DRC8: variants seen among roughly 807,000 people sequenced by gnomAD.
DRC8 encodes dynein regulatory complex subunit 8.
the DRC8 span, among the ~76,000 whole-genome samples, chr1:245,016,068 G>A: frequency 0.029 from 3,905 of 134,674 alleles, 137 homozygotes; most frequent in East Asian, 0.16. Context: ...TGCAACCTCC[G>A]CCTCCCAGGT....
At chr1:244,976,273 C>CA in the DRC8 span, among the ~76,000 whole-genome samples, 1 of 144,844 alleles carries the variant, frequency 6.9e-6, no homozygotes, top group South Asian at 2.4e-4. Context: ...CATCTCAAAA[C>CA]AAAAAAACAA....
the DRC8 span, among the ~76,000 whole-genome samples, chr1:244,981,859 T>C: frequency 1.3e-5 from 2 of 152,170 alleles, no homozygotes; most frequent in Non-Finnish European, 2.9e-5. Context: ...AGTGCATTCT[T>C]CATAAAAAGG....
At chr1:244,972,504 T>C in the DRC8 span, among the ~76,000 whole-genome samples, 1 of 152,128 alleles carries the variant, frequency 6.6e-6, no homozygotes, top group Non-Finnish European at 1.5e-5. Flanking sequence ...TTAACATGTT[T>C]GTAGGTGATT....
the DRC8 span, among the ~76,000 whole-genome samples, chr1:245,120,490 T>A: frequency 6.6e-6 from 1 of 151,632 alleles, no homozygotes; most frequent in Admixed American, 6.6e-5. Context: ...ATTATTTGTA[T>A]TTTTTTCCTG....
the DRC8 span, chr1:245,002,056 G>A: frequency 1.4e-5 from 18 of 1,299,128 alleles, no homozygotes; most frequent in Non-Finnish European, 1.8e-5. Context: ...TTTTCATCAC[G>A]TAATCACTCA....
the DRC8 span, among the ~76,000 whole-genome samples, chr1:245,071,103 G>A: frequency 6.6e-6 from 1 of 152,196 alleles, no homozygotes; most frequent in Non-Finnish European, 1.5e-5. Context: ...ACATTACCCA[G>A]TCTAAGGTAC....
chr1:245,087,653 A>G, the DRC8 span: 5 of 1,045,824 alleles, frequency 4.8e-6, no homozygotes, highest in Admixed American at 1.1e-4. Context: ...CTTCGAATTA[A>G]TTAAGCTGAC....
chr1:244,981,833 G>A, the DRC8 span, among the ~76,000 whole-genome samples: 3 of 152,164 alleles, frequency 2.0e-5, no homozygotes, highest in Admixed American at 6.6e-5. Context: ...GGAAAGCAAC[G>A]CTTTTGAAAT....
At chr1:245,065,073 C>CT in the DRC8 span, among the ~76,000 whole-genome samples, 636 of 81,472 alleles carry the variant, frequency 7.8e-3, 13 homozygotes, top group South Asian at 0.019. Context: ...TAACATTCTT[C>CT]TTTTTTTTTT....
chr1:245,047,226 G>T, the DRC8 span, among the ~76,000 whole-genome samples: 1 of 152,176 alleles, frequency 6.6e-6, no homozygotes, highest in African/African-American at 2.4e-5. Flanking sequence ...CTAACAGCCT[G>T]CTGTGGACTG....
chr1:244,994,539 C>T, the DRC8 span, among the ~76,000 whole-genome samples: 1 of 152,156 alleles, frequency 6.6e-6, no homozygotes, highest in Non-Finnish European at 1.5e-5. Context: ...AAGTGAGTCT[C>T]CTGCCTCAGC....
the DRC8 span, chr1:244,970,023 C>G: frequency 1.8e-6 from 1 of 566,284 alleles, no homozygotes; most frequent in South Asian, 2.2e-5. Flanking sequence ...GTCGCACAAA[C>G]AGGACAGGAG....
At chr1:244,970,880 G>C in the DRC8 span, 3 of 217,664 alleles carry the variant, frequency 1.4e-5, no homozygotes, top group Non-Finnish European at 2.7e-5. Flanking sequence ...TCACGGTCGC[G>C]GGGAAGCCGC....
At chr1:245,031,902 A>AT in the DRC8 span, among the ~76,000 whole-genome samples, 11 of 152,202 alleles carry the variant, frequency 7.2e-5, no homozygotes, top group Admixed American at 1.3e-4. Context: ...CAAGCTGTGG[A>AT]TATCAATACA....
chr1:245,064,769 A>G, the DRC8 span, among the ~76,000 whole-genome samples: 1 of 152,152 alleles, frequency 6.6e-6, no homozygotes, highest in African/African-American at 2.4e-5. Flanking sequence ...TGTTCCTGGT[A>G]ATGCTATTGA....
the DRC8 span, among the ~76,000 whole-genome samples, chr1:245,040,445 G>A: frequency 2.0e-5 from 3 of 152,314 alleles, no homozygotes; most frequent in African/African-American, 7.2e-5. Flanking sequence ...AAGTCCAGGA[G>A]TCAGAGGATA....
the DRC8 span, among the ~76,000 whole-genome samples, chr1:245,100,411 T>TAA: frequency 4.6e-5 from 7 of 151,192 alleles, no homozygotes; most frequent in Non-Finnish European, 1.0e-4. Context: ...ATAATAATAA[T>TAA]AATTGTTTAA....
the DRC8 span, among the ~76,000 whole-genome samples, chr1:245,105,332 C>T: frequency 2.5e-3 from 383 of 152,166 alleles, 1 homozygote; most frequent in African/African-American, 8.8e-3. Flanking sequence ...GTAGGAGTTG[C>T]AAAATGGTGA....
chr1:245,106,271 A>G, the DRC8 span, among the ~76,000 whole-genome samples: 27 of 152,306 alleles, frequency 1.8e-4, no homozygotes, highest in African/African-American at 6.3e-4. Flanking sequence ...TCTTTCTGTC[A>G]CAGTGAATCT....
Sources: gnomAD v4.1 joint callset for allele counts (sites outside exome capture counted in the v4.1 genomes callset) on GRCh38, gnomAD v4.1.1 for gene constraint, MANE v1.5 for transcripts, NCBI Gene and HGNC (gene_info 2026-07-23, HGNC 2026-07-21) for gene names.